Variants in SAMSN1 observed in about 807,000 individuals in gnomAD.
SAMSN1 encodes SAM domain-containing protein SAMSN-1.
SAMSN1 carries 31 observed loss-of-function variants against 42.0 expected under a neutral mutation model. The ratio of observed to expected loss-of-function variants is 0.74; its 90% CI spans 0.55 to 1.00. The LOEUF (loss-of-function observed/expected upper bound fraction) is 1.00, where lower values mean the gene tolerates loss of function less well. SAMSN1 is among the 50% of genes least tolerant of loss of function. SAMSN1 has a pLI of 0.00. For synonymous variants in SAMSN1, 178 were observed against 151.9 expected (o/e 1.17, Z -1.26); for missense variants, 464 against 439.4 (o/e 1.06, Z -0.50).
chr21:14,641,573 A>T (rs748124819), intron 2 of SAMSN1, among the ~76,000 whole-genome samples: 1 of 152,168 alleles, frequency 6.6e-6, no homozygotes, highest in Non-Finnish European at 1.5e-5. Flanking sequence ...TTGTGAGAAT[A>T]AACATAAATA....
chr21:14,509,566 G>T (rs1987582794), intron 5 of SAMSN1, among the ~76,000 whole-genome samples: 2 of 152,080 alleles, frequency 1.3e-5, no homozygotes, highest in South Asian at 4.1e-4. Flanking sequence ...AAAAATACTG[G>T]AATTGCCCTG....
At chr21:14,534,548 C>T (rs780407176) in intron 1 of SAMSN1, among the ~76,000 whole-genome samples, 2 of 149,876 alleles carry the variant, frequency 1.3e-5, no homozygotes, top group Non-Finnish European at 3.0e-5. Context: ...GACGGAGTCT[C>T]GCTGTCGCCC....
At chr21:14,500,406 A>C (rs1472344594) in intron 6 of SAMSN1, 123 bp downstream of exon 6, 1 of 763,758 alleles carries the variant, frequency 1.3e-6, no homozygotes. Context: ...CTTCTAGGAA[A>C]ACAGGTTTTC....
At chr21:14,487,923 T>C (rs931127461) in intron 7 of SAMSN1, among the ~76,000 whole-genome samples, 2 of 152,166 alleles carry the variant, frequency 1.3e-5, no homozygotes, top group African/African-American at 4.8e-5. Context: ...TTCATGACAA[T>C]CTTTAAGTTT....
intron 2 of SAMSN1, among the ~76,000 whole-genome samples, chr21:14,560,652 G>T (rs1008367803): frequency 6.6e-6 from 1 of 152,154 alleles, no homozygotes; most frequent in Non-Finnish European, 1.5e-5. Flanking sequence ...TTGAAAACTG[G>T]AAGAAAGGTA....
chr21:14,648,128 A>T (rs1229474012), intron 1 of SAMSN1, among the ~76,000 whole-genome samples: 2 of 151,664 alleles, frequency 1.3e-5, no homozygotes, highest in Non-Finnish European at 2.9e-5. Context: ...TGGGTTTGTC[A>T]TAGATAGCTC....
chr21:14,557,779 A>T (rs1980811439), intron 2 of SAMSN1, among the ~76,000 whole-genome samples: 1 of 152,076 alleles, frequency 6.6e-6, no homozygotes, highest in South Asian at 2.1e-4. Flanking sequence ...TCTTTCTCTG[A>T]TCTGGTCACG....
At chr21:14,639,751 GT>G (rs34808562) in intron 2 of SAMSN1, among the ~76,000 whole-genome samples, 116,516 of 151,708 alleles carry the variant, frequency 0.77, 45,240 homozygotes, top group Middle Eastern at 0.89. Flanking sequence ...TAATATGTTA[GT>G]TTTTTTTTCA....
rs1440528802 is a variant in SAMSN1, at chr21:14,498,672, T to C, written c.769-80A>G. On this transcript the variant is annotated intron_variant, in intron 6 of 7. Coordinates refer to ENST00000400566, the MANE Select transcript of SAMSN1 (RefSeq NM_022136.5). Reference sequence around the variant, plus strand: ...GTTCTCTTTAGATTTAAAGAAAGTATAGAGATGCACATGGGGACCAAAGGT... The same window carrying C: ...GTTCTCTTTAGATTTAAAGAAAGTACAGAGATGCACATGGGGACCAAAGGT... 5.9e-6 allele frequency: 7 copies of C among 1,184,808 alleles called. No homozygotes were observed. The Admixed American group carries it at 1.2e-4, about 20-fold the overall frequency. 73.4% of individuals were successfully genotyped at this position (1,184,808 alleles called of 1,614,324 possible).
At chr21:14,619,166 T>G (rs951323532) in intron 2 of SAMSN1, among the ~76,000 whole-genome samples, 2 of 152,248 alleles carry the variant, frequency 1.3e-5, no homozygotes, top group Admixed American at 1.3e-4. Context: ...TCTATTCTCA[T>G]GCAGAGGTTA....
intron 5 of SAMSN1, among the ~76,000 whole-genome samples, chr21:14,505,730 A>G (rs1359245725): frequency 1.3e-5 from 2 of 152,218 alleles, no homozygotes; most frequent in East Asian, 3.8e-4. Flanking sequence ...GATTTAAATT[A>G]TACCCTGGAA....
At chr21:14,602,442 A>G (rs990332010) in intron 5 of SAMSN1, among the ~76,000 whole-genome samples, 3 of 152,154 alleles carry the variant, frequency 2.0e-5, no homozygotes, top group Non-Finnish European at 4.4e-5. Flanking sequence ...CCATGCAGTT[A>G]TCACCTCACC....
chr21:14,544,169 G>A (rs1393982909), intron 1 of SAMSN1, among the ~76,000 whole-genome samples: 4 of 152,150 alleles, frequency 2.6e-5, no homozygotes, highest in Non-Finnish European at 5.9e-5. Flanking sequence ...TCCTGCCTCA[G>A]CCTCCTGAAT....
intron 2 of SAMSN1, among the ~76,000 whole-genome samples, chr21:14,630,186 G>A (rs1210629417): frequency 6.6e-6 from 1 of 152,140 alleles, no homozygotes; most frequent in Non-Finnish European, 1.5e-5. Flanking sequence ...TACTAAACTG[G>A]ACAAGACCCA....
chr21:14,630,704 A>G (rs1983305991), intron 2 of SAMSN1, among the ~76,000 whole-genome samples: 2 of 152,130 alleles, frequency 1.3e-5, no homozygotes, highest in African/African-American at 4.8e-5. Flanking sequence ...GCTTGTTATG[A>G]GTCATTACAC....
At chr21:14,656,070 T>C (rs1983911022) in intron 1 of SAMSN1, among the ~76,000 whole-genome samples, 1 of 151,896 alleles carries the variant, frequency 6.6e-6, no homozygotes. Flanking sequence ...TATGAAAGAA[T>C]TGAATAAAGA....
chr21:14,563,799 G>C (rs1404718018), intron 2 of SAMSN1, among the ~76,000 whole-genome samples: 10 of 152,150 alleles, frequency 6.6e-5, no homozygotes, highest in Admixed American at 5.2e-4. Flanking sequence ...GGAAAGAACA[G>C]GTATAAAATA....
At chr21:14,515,753 A>C (rs1190017817) in intron 3 of SAMSN1, among the ~76,000 whole-genome samples, 1 of 152,220 alleles carries the variant, frequency 6.6e-6, no homozygotes, top group African/African-American at 2.4e-5. Flanking sequence ...TATCTGATAA[A>C]AAACTTGCAT....
chr21:14,551,145 G>C (rs936362324), upstream of SAMSN1, among the ~76,000 whole-genome samples: 1 of 152,092 alleles, frequency 6.6e-6, no homozygotes, highest in South Asian at 2.1e-4. Context: ...ATGTTTCTGA[G>C]TGGTTAGAGT....
Sources: allele counts gnomAD v4.1 joint callset (sites outside exome capture counted in the v4.1 genomes callset), GRCh38; gene constraint gnomAD v4.1.1; transcripts MANE v1.5; gene names NCBI Gene and HGNC (gene_info 2026-07-23, HGNC 2026-07-21).